The following CBLB variants were observed in gnomAD, a reference collection of about 807,000 sequenced individuals.
The protein encoded by CBLB is E3 ubiquitin-protein ligase CBL-B.
Under a neutral mutation model 104.9 loss-of-function variants are expected in CBLB, and 31 were observed. The ratio of observed to expected loss-of-function variants is 0.30; its 90% CI spans 0.22 to 0.40. The LOEUF (loss-of-function observed/expected upper bound fraction) is 0.40, where lower values mean the gene tolerates loss of function less well. Ranked by LOEUF, CBLB falls within the 10% of genes least tolerant of loss-of-function variation. The pLI is 1.00. For missense variants in CBLB, 1,062 were observed against 1,214.6 expected, an observed-to-expected ratio of 0.87 and a Z score of 1.87; for synonymous variants, 440 against 422.6, an observed-to-expected ratio of 1.04 and a Z score of -0.51.
In CBLB at chr3:105,745,930, T is replaced by A; in HGVS notation, c.832A>T (p.Thr278Ser). ...AAAAAGTCTTACCTTCCGGGTTTGG[T>A]GCTATATTTCTGTAGTCGTGCTTTA... ...EVKARLQKYSTKPGSYIFRLS... is the reference protein window; with the variant it reads ...EVKARLQKYSSKPGSYIFRLS... The change falls in exon 6 of 19, where the codon ACC becomes TCC. Residue 278 changes from threonine to serine, a missense_variant. Around this residue, in one of 2 missense-constraint regions of CBLB, gnomAD observed 457 missense variants for 632.0 expected, o/e 0.72. Coordinates refer to ENST00000394030, the MANE Select transcript of CBLB (RefSeq NM_170662.5). 1 of 1,612,040 alleles carries A rather than the reference T, an allele frequency of 6.2e-7. No individual in the cohort carries two copies. The highest frequency in any genetic ancestry group is 1.1e-5 in the South Asian group (1 of 91,030).
rs2083167668 is a variant in CBLB, at chr3:105,803,704, T to G, written c.420-27162A>C. 3.3e-5 allele frequency among the ~76,000 whole-genome samples: 5 copies of G among 152,182 alleles called. No homozygotes were observed. The South Asian group carries it at 1.0e-3, about 32-fold the overall frequency. ...TTCTTAGTAGAAAATCAAAATAATT[T>G]GGAAGTTGATTAATATAACAAAGTT... On this transcript the variant is annotated intron_variant, in intron 3 of 18. Transcript: ENST00000394030.
intron 3 of CBLB, among the ~76,000 whole-genome samples, chr3:105,800,349 T>C (rs1212900854): frequency 6.6e-6 from 1 of 152,164 alleles, no homozygotes; most frequent in Non-Finnish European, 1.5e-5. Context: ...AGGAGGATGC[T>C]TCCTAGTTCC....
intron 3 of CBLB, chr3:105,839,381 T>A (rs919415220): frequency 2.6e-5 from 4 of 152,190 alleles, no homozygotes; most frequent in Admixed American, 2.6e-4. Context: ...ATAGGAAATG[T>A]TAGTTTCATA....
chr3:105,658,959 A>C lies in CBLB; in HGVS notation c.*11T>G, dbSNP rs1219347737. 1 of 1,613,594 alleles carries C rather than the reference A, an allele frequency of 6.2e-7. No individual in the cohort carries two copies. Among genetic ancestry groups the C allele is most frequent in the African/African-American group, 1.3e-5 (1 of 74,960 alleles). On this transcript the variant is annotated 3_prime_UTR_variant, in exon 19 of 19. Coordinates refer to ENST00000394030, the MANE Select transcript of CBLB (RefSeq NM_170662.5). ...GATTGCTTTCCATTTTGGTGTCTAC[A>C]GTTCTGGCTGCTATAGATTTAGACG... is the stretch of plus-strand genomic sequence containing the variant.
At chr3:105,681,297 A>T in intron 16 of CBLB, 182 bp downstream of exon 16, 1 of 624,566 alleles carries the variant, frequency 1.6e-6, no homozygotes, top group Non-Finnish European at 2.8e-6. Context: ...TACTACCTTA[A>T]TCATCTACAT....
In CBLB at chr3:105,853,647, A is replaced by C; in HGVS notation, c.186T>G (p.Asn62Lys). 1 of 1,604,558 alleles carries C rather than the reference A, an allele frequency of 6.2e-7. No individual in the cohort carries two copies. Among genetic ancestry groups the C allele is most frequent in the South Asian group, 1.1e-5 (1 of 90,798 alleles). The change falls in exon 3 of 19, where the codon AAT (asparagine) becomes AAG (lysine). Residue 62 changes from asparagine to lysine, a missense_variant. This residue lies in a region of CBLB where 457 missense variants were observed against 632.0 expected (regional missense o/e 0.72). Coordinates refer to ENST00000394030, the MANE Select transcript of CBLB (RefSeq NM_170662.5). ...LMDKVVRLCQ[N>K]PKLQLKNSPP... ...GGCTATTTTTCAACTGAAGTTTGGG[A>C]TTTTGGCACAGTCTTACCTAAAAAC...
chr3:105,827,902 T>C (rs574700201), intron 3 of CBLB, among the ~76,000 whole-genome samples: 12 of 152,324 alleles, frequency 7.9e-5, no homozygotes, highest in African/African-American at 2.9e-4. Context: ...ATTTGAAACT[T>C]AAACCTCAAA....
intron 10 of CBLB, among the ~76,000 whole-genome samples, chr3:105,713,387 T>C (rs999011008): frequency 8.4e-5 from 8 of 95,338 alleles, no homozygotes; most frequent in Non-Finnish European, 1.9e-4. Context: ...TCACCACTGA[T>C]CATTAAAAAA....
intron 3 of CBLB, among the ~76,000 whole-genome samples, chr3:105,785,836 CAA>C (rs1472687591): frequency 3.9e-5 from 6 of 152,064 alleles, no homozygotes; most frequent in Non-Finnish European, 8.8e-5. Flanking sequence ...AAAACAAACA[CAA>C]ATTTGCCAAG....
intron 3 of CBLB, among the ~76,000 whole-genome samples, chr3:105,805,518 C>G (rs1048172981): frequency 1.3e-5 from 2 of 152,100 alleles, no homozygotes; most frequent in Non-Finnish European, 2.9e-5. Flanking sequence ...GTTGCCCAGG[C>G]TGGTCTCAAA....
chr3:105,657,649 T>C lies in CBLB; in HGVS notation c.*1321A>G, dbSNP rs1204843443. The stretch of plus-strand genomic sequence containing the variant: ...CATATCATAGATGCTCAATAAATAT[T>C]TGTAGATTTATTAAGAGTAATAACA... On this transcript the variant is annotated 3_prime_UTR_variant, in exon 19 of 19. Transcript: ENST00000394030. 1 of 203,500 alleles carries C rather than the reference T, an allele frequency of 4.9e-6. No individual in the cohort carries two copies. Among genetic ancestry groups the C allele is most frequent in the African/African-American group, 2.3e-5 (1 of 43,724 alleles). The allele number at this position is 203,500 out of a possible 1,614,324, so 12.6% of individuals were successfully genotyped here.
At position 105,681,954 on chromosome 3, in the gene CBLB, A is replaced by G. The variant is rs192954972; in HGVS notation, c.2202-136T>C. ...ATATTTTTCTTTTCTCAAAATTACC[A>G]GTAATAACATCAAGATACTCATCCC... On this transcript the variant is annotated intron_variant, in intron 14 of 18. Transcript: ENST00000394030. The G allele has an allele frequency of 1.2e-5, 8 of 642,326 alleles. No homozygotes were observed. In the Admixed American group the frequency reaches 1.8e-4, roughly 14 times the overall value. 39.8% of individuals were successfully genotyped at this position (642,326 alleles called of 1,614,324 possible). A position where few individuals can be genotyped will look rare whatever the true frequency, so the allele number is the denominator to read the frequency against.
At chr3:105,691,435 T>G (rs1201037174) in intron 13 of CBLB, among the ~76,000 whole-genome samples, 1 of 152,192 alleles carries the variant, frequency 6.6e-6, no homozygotes, top group Non-Finnish European at 1.5e-5. Context: ...TACTATCAAT[T>G]TGTTATTCTT....
At chr3:105,774,567 G>A (rs1446828821) in intron 4 of CBLB, among the ~76,000 whole-genome samples, 2 of 152,160 alleles carry the variant, frequency 1.3e-5, no homozygotes, top group African/African-American at 2.4e-5. Context: ...GACTTGGGAG[G>A]TAGGGAAAGT....
intron 4 of CBLB, among the ~76,000 whole-genome samples, chr3:105,763,544 G>A (rs1281921060): frequency 1.3e-5 from 2 of 152,198 alleles, no homozygotes; most frequent in Non-Finnish European, 2.9e-5. Flanking sequence ...TGCCACGTAA[G>A]AAGTGCCTTT....
At chr3:105,719,887 A>C (rs2072513148) in intron 10 of CBLB, among the ~76,000 whole-genome samples, 160 bp downstream of exon 10, 1 of 152,150 alleles carries the variant, frequency 6.6e-6, no homozygotes, top group African/African-American at 2.4e-5. Flanking sequence ...GGTAGAAGAC[A>C]GTGATATTGA....
At chr3:105,686,481 T>C (rs1576337139) in intron 13 of CBLB, among the ~76,000 whole-genome samples, 1 of 151,874 alleles carries the variant, frequency 6.6e-6, no homozygotes, top group South Asian at 2.1e-4. Context: ...ACTAAGTGAC[T>C]GCAATTTTGC....
In CBLB at chr3:105,829,051, CA is replaced by C. The variant is rs771113811; in HGVS notation, c.419+24362del. Among the ~76,000 whole-genome samples, 1,330 of 137,014 alleles carry C rather than the reference CA, an allele frequency of 9.7e-3. 14 individuals carry two copies. Among genetic ancestry groups the C allele is most frequent in the African/African-American group, 0.025 (930 of 37,252 alleles). 89.9% of individuals were successfully genotyped at this position (137,014 alleles called of 152,430 possible). On this transcript the variant is annotated intron_variant, in intron 3 of 18. Transcript: ENST00000394030. The stretch of plus-strand genomic sequence containing the variant: ...TTACAGTCTTTCTTCTTCCTAAATA[CA>C]AAAAAAAAAAAATTCATTAACAATC...
intron 10 of CBLB, among the ~76,000 whole-genome samples, chr3:105,707,424 C>A (rs2070328316): frequency 6.6e-6 from 1 of 151,906 alleles, no homozygotes; most frequent in Non-Finnish European, 1.5e-5. Context: ...ACTCACCAAA[C>A]CTCATTTTCC....
Sources: allele counts gnomAD v4.1 joint callset (sites outside exome capture counted in the v4.1 genomes callset), GRCh38; gene constraint gnomAD v4.1.1; regional missense constraint gnomAD v4.1.1; transcripts MANE v1.5; gene names NCBI Gene and HGNC (gene_info 2026-07-23, HGNC 2026-07-21).